The following DNAH11 variants were observed in gnomAD, a reference collection of about 807,000 sequenced individuals.
DNAH11 encodes the protein axonemal beta dynein heavy chain 11.
DNAH11 carries 442 observed loss-of-function variants against 526.0 expected under a neutral mutation model. That is an observed-to-expected ratio of 0.84 (90% CI 0.78 to 0.91). The LOEUF is 0.91. Ranked by LOEUF, DNAH11 falls within the 40% of genes least tolerant of loss-of-function variation. The pLI is 0.00. For missense variants in DNAH11, 6,989 were observed against 5,448.7 expected (o/e 1.28, Z -8.90); for synonymous variants, 2,461 against 1,935.9 (o/e 1.27, Z -7.12).
chr7:21,747,807 G>A (rs1786214510), intron 51 of DNAH11, among the ~76,000 whole-genome samples: 1 of 152,188 alleles, frequency 6.6e-6, no homozygotes, highest in Admixed American at 6.5e-5. Flanking sequence ...ATCACACAGA[G>A]AGATCTGTTG....
chr7:21,849,910 A>G (rs1378695555), intron 66 of DNAH11, among the ~76,000 whole-genome samples: 3 of 146,306 alleles, frequency 2.1e-5, no homozygotes, highest in Non-Finnish European at 4.5e-5. Context: ...TCTTCTGCTC[A>G]TTTTTTTCTT....
At chr7:21,645,752 C>T (rs1452402289) in intron 28 of DNAH11, among the ~76,000 whole-genome samples, 1 of 152,072 alleles carries the variant, frequency 6.6e-6, no homozygotes, top group Non-Finnish European at 1.5e-5. Flanking sequence ...AATCAGATAT[C>T]TAAATCAGAT....
At chr7:21,762,975 TAAGG>T (rs1786988344) in intron 54 of DNAH11, among the ~76,000 whole-genome samples, 2 of 152,162 alleles carry the variant, frequency 1.3e-5, no homozygotes, top group African/African-American at 4.8e-5. Context: ...GTGTATTTGA[TAAGG>T]AATTAATTAA....
chr7:21,664,571 G>A (rs948089622), intron 30 of DNAH11, among the ~76,000 whole-genome samples: 10 of 151,860 alleles, frequency 6.6e-5, no homozygotes, highest in African/African-American at 1.7e-4. Flanking sequence ...CAAACCTCCC[G>A]CCTCATGTTC....
intron 2 of DNAH11, among the ~76,000 whole-genome samples, chr7:21,557,724 A>G (rs923612425): frequency 6.6e-6 from 1 of 152,158 alleles, no homozygotes; most frequent in East Asian, 1.9e-4. Context: ...CCAAGTAACA[A>G]CTTTTCTGGC....
At chr7:21,889,859 GA>G (rs1784269490) in intron 76 of DNAH11, among the ~76,000 whole-genome samples, 1 of 152,212 alleles carries the variant, frequency 6.6e-6, no homozygotes, top group African/African-American at 2.4e-5. Context: ...TCTTGAGTGG[GA>G]AAGGAGAAAG....
chr7:21,821,601 A>G (rs577272716), intron 65 of DNAH11, among the ~76,000 whole-genome samples: 2 of 152,236 alleles, frequency 1.3e-5, no homozygotes, highest in African/African-American at 4.8e-5. Context: ...ATAGTTGTAC[A>G]TATTTTGGGG....
chr7:21,569,514 A>C (rs1372589826), intron 6 of DNAH11, among the ~76,000 whole-genome samples: 5 of 152,150 alleles, frequency 3.3e-5, no homozygotes, highest in African/African-American at 1.2e-4. Flanking sequence ...TCCTCTATTC[A>C]AAACTAGTTC....
intron 71 of DNAH11, among the ~76,000 whole-genome samples, chr7:21,867,625 C>T (rs886660821): frequency 4.6e-5 from 7 of 152,094 alleles, no homozygotes; most frequent in African/African-American, 1.4e-4. Flanking sequence ...TCAGTAGCCC[C>T]CCAAAATGGA....
intron 37 of DNAH11, 113 bp from the exon 38 acceptor site, chr7:21,704,321 G>C (rs1344336125): frequency 1.9e-6 from 2 of 1,059,464 alleles, no homozygotes; most frequent in Admixed American, 2.6e-5. Flanking sequence ...ATGGAGAACA[G>C]TACCAATATC....
chr7:21,583,835 C>G (rs1251825920), intron 9 of DNAH11, among the ~76,000 whole-genome samples: 1 of 152,206 alleles, frequency 6.6e-6, no homozygotes, highest in Non-Finnish European at 1.5e-5. Flanking sequence ...AAAAGCTCAT[C>G]ATCACTGGTC....
Position 21,638,943 on chromosome 7 carries a change from T to G in DNAH11, c.4822T>G (p.Ser1608Ala). 6.2e-7 allele frequency: 1 copy of G among 1,606,136 alleles called. No homozygotes were observed. The highest frequency in any genetic ancestry group is 8.5e-7 in the Non-Finnish European group (1 of 1,177,528). ...EKLKDLQSRLSLCEKALAEYL... is the reference protein window; with the variant it reads ...EKLKDLQSRLALCEKALAEYL... ...AAACATTTTTCATTCATGTAGGCTT[T>G]CTCTTTGTGAAAAAGCTCTCGCTGA... The change falls in exon 28 of 82, where the codon TCT becomes GCT. Residue 1608 changes from serine to alanine, a missense_variant. Ser to Ala is a moderately conservative substitution (Grantham distance 99). Transcript: ENST00000409508.
chr7:21,598,627 T>TAAATA (rs1784956316), intron 14 of DNAH11, among the ~76,000 whole-genome samples: 1 of 132,382 alleles, frequency 7.6e-6, no homozygotes, highest in Non-Finnish European at 1.7e-5. Flanking sequence ...ATAAATAAAT[T>TAAATA]GTGCTTAAAC....
chr7:21,610,351 T>C (rs1232619059), intron 20 of DNAH11, among the ~76,000 whole-genome samples: 1 of 152,212 alleles, frequency 6.6e-6, no homozygotes, highest in African/African-American at 2.4e-5. Flanking sequence ...ACTACCCCTC[T>C]GATTAAGGAA....
intron 73 of DNAH11, among the ~76,000 whole-genome samples, chr7:21,872,983 G>T (rs1290224386): frequency 1.3e-5 from 2 of 152,112 alleles, no homozygotes; most frequent in Non-Finnish European, 2.9e-5. Flanking sequence ...AGAAGTGACT[G>T]GTGGGCTTTT....
At chr7:21,826,743 G>A (rs1041160395) in intron 65 of DNAH11, among the ~76,000 whole-genome samples, 31 of 152,184 alleles carry the variant, frequency 2.0e-4, no homozygotes, top group East Asian at 7.7e-4. Flanking sequence ...ACATTCACCC[G>A]GAATGTCTTT....
chr7:21,781,151 A>G (rs1787925749), intron 57 of DNAH11, among the ~76,000 whole-genome samples: 1 of 152,224 alleles, frequency 6.6e-6, no homozygotes, highest in South Asian at 2.1e-4. Flanking sequence ...AAGGGGGTGA[A>G]TATGGACTGT....
intron 30 of DNAH11, among the ~76,000 whole-genome samples, chr7:21,666,771 C>T (rs1433295573): frequency 2.2e-4 from 33 of 149,770 alleles, no homozygotes; most frequent in African/African-American, 8.1e-4. Context: ...TTTTTTTTGG[C>T]CTTTATATAA....
chr7:21,586,042 A>G (rs1337469835), intron 9 of DNAH11, among the ~76,000 whole-genome samples: 1 of 152,124 alleles, frequency 6.6e-6, no homozygotes, highest in East Asian at 1.9e-4. Flanking sequence ...TACATTTTGC[A>G]TGACAAACAA....
Sources: gnomAD v4.1 joint callset for allele counts (sites outside exome capture counted in the v4.1 genomes callset) on GRCh38, gnomAD v4.1.1 for gene constraint, MANE v1.5 for transcripts, NCBI Gene and HGNC (gene_info 2026-07-23, HGNC 2026-07-21) for gene names.